The following POLB variants were observed in gnomAD, a reference collection of about 807,000 sequenced individuals.
POLB encodes DNA polymerase beta, also known as 5'-dRP lyase.
Under a neutral mutation model 52.7 loss-of-function variants are expected in POLB, and 37 were observed. The ratio of observed to expected loss-of-function variants is 0.70; its 90% CI spans 0.54 to 0.92. The LOEUF (loss-of-function observed/expected upper bound fraction) is 0.92, where lower values mean the gene tolerates loss of function less well. POLB is among the 40% of genes least tolerant of loss of function. The probability of loss-of-function intolerance (pLI) is 0.00; values close to 1 mark genes in which losing one functional copy is unlikely to be tolerated. For synonymous variants in POLB, 138 were observed against 131.3 expected, an observed-to-expected ratio of 1.05 and a Z score of -0.35; for missense variants, 313 against 400.8, an observed-to-expected ratio of 0.78 and a Z score of 1.87.
intron 5 of POLB, among the ~76,000 whole-genome samples, chr8:42,351,748 C>G (rs1423558102): frequency 1.3e-5 from 2 of 152,194 alleles, no homozygotes; most frequent in African/African-American, 4.8e-5. Context: ...CAGATTTTAT[C>G]ATTGCTTTGT....
In POLB at chr8:42,342,677, G is replaced by A. The variant is rs1485417275; in HGVS notation, c.120-2276G>A. ...TGCAGGCCCAGCAGCACTAGGGGGT[G>A]GAAAGGCGGGAGCAATTTTTAAAAA... On this transcript the variant is annotated intron_variant, in intron 2 of 13. Coordinates refer to ENST00000265421, the MANE Select transcript of POLB (RefSeq NM_002690.3). 8 of 527,676 alleles carry A rather than the reference G, an allele frequency of 1.5e-5. No individual in the cohort carries two copies. The African/African-American group carries it at 1.5e-4, about 10-fold the overall frequency. The allele number at this position is 527,676 out of a possible 1,614,324, so 32.7% of individuals were successfully genotyped here. A position where few individuals can be genotyped will look rare whatever the true frequency, so the allele number is the denominator to read the frequency against.
At chr8:42,364,532 T>C (rs1823921492) in intron 11 of POLB, among the ~76,000 whole-genome samples, 1 of 152,192 alleles carries the variant, frequency 6.6e-6, no homozygotes, top group East Asian at 1.9e-4. Context: ...CCCGGGCCTC[T>C]TCTTTCTTAA....
At chr8:42,359,440 C>T (rs1199279532) in intron 9 of POLB, among the ~76,000 whole-genome samples, 1 of 151,712 alleles carries the variant, frequency 6.6e-6, no homozygotes, top group Non-Finnish European at 1.5e-5. Context: ...CTGCAACCTC[C>T]GCCTCCCGGG....
rs1300068003 is a variant in POLB, at chr8:42,361,042, A to G, written c.551-253A>G. On this transcript the variant is annotated intron_variant, in intron 9 of 13. Transcript: ENST00000265421. ...CTTAGGTGCATTTTTAATACATTAA[A>G]TTAACTCGTTGTATGCAATGTATAT... The G allele has an allele frequency of 6.4e-6, 4 of 622,794 alleles. No individual in the cohort carries two copies. The East Asian group carries it at 1.3e-4, about 20-fold the overall frequency. 38.6% of individuals were successfully genotyped at this position (622,794 alleles called of 1,614,324 possible).
chr8:42,353,517 T>C (rs1368032594), intron 6 of POLB, among the ~76,000 whole-genome samples: 3 of 152,190 alleles, frequency 2.0e-5, no homozygotes, highest in South Asian at 2.1e-4. Context: ...ATTAAAGGAA[T>C]TTTTGCTTTC....
intron 2 of POLB, 108 bp downstream of exon 2, chr8:42,339,177 C>A: frequency 1.2e-6 from 1 of 857,564 alleles, no homozygotes; most frequent in Non-Finnish European, 2.0e-6. Flanking sequence ...TCTGCAAGAG[C>A]GGGAAAAAGC....
intron 11 of POLB, among the ~76,000 whole-genome samples, chr8:42,363,021 G>A (rs1823805570): frequency 6.6e-6 from 1 of 152,048 alleles, no homozygotes; most frequent in Non-Finnish European, 1.5e-5. Flanking sequence ...CTACTCAGGA[G>A]GATGAGGCGG....
chr8:42,344,264 T>G (rs1822456151), intron 2 of POLB, among the ~76,000 whole-genome samples: 1 of 151,100 alleles, frequency 6.6e-6, no homozygotes, highest in Non-Finnish European at 1.5e-5. Context: ...AGGTCAGAGT[T>G]TGAGACCAGC....
At position 42,364,837 on chromosome 8, in the gene POLB, T is replaced by C. The variant is rs533916378; in HGVS notation, c.708+2139T>C. Among the ~76,000 whole-genome samples, 17 of 152,184 alleles carry C rather than the reference T, an allele frequency of 1.1e-4. No homozygotes were observed. In the South Asian group the frequency reaches 3.5e-3, roughly 32 times the overall value. On this transcript the variant is annotated intron_variant, in intron 11 of 13. Coordinates refer to ENST00000265421, the MANE Select transcript of POLB (RefSeq NM_002690.3). The stretch of plus-strand genomic sequence containing the variant: ...CTGTTTAAATGGCACAGAGTTTCAG[T>C]TGGGGAAGATGAAAACATTCTGGAG...
intron 2 of POLB, 114 bp from the exon 3 acceptor site, chr8:42,344,839 T>G: frequency 1.5e-6 from 1 of 685,038 alleles, no homozygotes; most frequent in African/African-American, 1.8e-5. Context: ...AGAAAATTAG[T>G]TATCTTGGTG....
In POLB at chr8:42,347,772, A is replaced by G. The variant is rs189784028; in HGVS notation, c.187-1244A>G. 1.3e-3 allele frequency among the ~76,000 whole-genome samples: 201 copies of G among 152,236 alleles called. 1 individual carries two copies. The highest frequency in any genetic ancestry group is 2.4e-3 in the Non-Finnish European group (165 of 67,988). Reference sequence around the variant, plus strand: ...CTTCCTAAATCTTTTGTTCATTTCTATCTGGTAATTGCTGTTTTCCAAACT... The same window carrying G: ...CTTCCTAAATCTTTTGTTCATTTCTGTCTGGTAATTGCTGTTTTCCAAACT... On this transcript the variant is annotated intron_variant, in intron 3 of 13. Transcript: ENST00000265421.
At chr8:42,346,147 C>G (rs1374109291) in intron 3 of POLB, among the ~76,000 whole-genome samples, 1 of 151,998 alleles carries the variant, frequency 6.6e-6, no homozygotes, top group Non-Finnish European at 1.5e-5. Context: ...GTCTCAAACT[C>G]CTGACTTCAG....
intron 2 of POLB, chr8:42,342,665 G>T: frequency 3.6e-6 from 2 of 563,260 alleles, no homozygotes; most frequent in Non-Finnish European, 6.4e-6. Context: ...AGGCCCAGCA[G>T]CACTAGGGGG....
intron 9 of POLB, among the ~76,000 whole-genome samples, chr8:42,360,325 G>C (rs922566927): frequency 1.3e-5 from 2 of 152,080 alleles, no homozygotes; most frequent in Non-Finnish European, 2.9e-5. Flanking sequence ...AGCACTTTGG[G>C]AGGCTGAAGT....
chr8:42,353,316 T>G (rs1480087645), intron 6 of POLB, among the ~76,000 whole-genome samples: 1 of 151,770 alleles, frequency 6.6e-6, no homozygotes, highest in Non-Finnish European at 1.5e-5. Flanking sequence ...TTTCACTGTG[T>G]TAGCCAGGAT....
chr8:42,364,239 T>G (rs1823904545), intron 11 of POLB, among the ~76,000 whole-genome samples: 1 of 151,310 alleles, frequency 6.6e-6, no homozygotes, highest in Admixed American at 6.6e-5. Context: ...GAATTAAGAT[T>G]CTTAGTTCCT....
chr8:42,349,629 C>T (rs958753211), intron 4 of POLB, among the ~76,000 whole-genome samples: 4 of 152,220 alleles, frequency 2.6e-5, no homozygotes, highest in African/African-American at 9.7e-5. Flanking sequence ...ACCTCGTGAT[C>T]TGCCCGCCTC....
intron 7 of POLB, 74 bp downstream of exon 7, chr8:42,355,641 G>A: frequency 1.2e-6 from 1 of 867,076 alleles, no homozygotes; most frequent in Non-Finnish European, 1.9e-6. Flanking sequence ...TTATACACCA[G>A]AAGGACTCTT....
At chr8:42,352,820 C>A (rs1429721128) in intron 6 of POLB, among the ~76,000 whole-genome samples, 1 of 151,992 alleles carries the variant, frequency 6.6e-6, no homozygotes, top group Non-Finnish European at 1.5e-5. Flanking sequence ...GTGCCTCATG[C>A]CTGTAGTCCC....
Sources: gnomAD v4.1 joint callset for allele counts (sites outside exome capture counted in the v4.1 genomes callset) on GRCh38, gnomAD v4.1.1 for gene constraint, MANE v1.5 for transcripts, NCBI Gene and HGNC (gene_info 2026-07-23, HGNC 2026-07-21) for gene names.